ALDH1A2: variants seen among roughly 807,000 people sequenced by gnomAD.
ALDH1A2 encodes the protein retinal dehydrogenase 2.
A neutral mutation model predicts 60.3 loss-of-function variants in ALDH1A2; 27 were observed. The observed-to-expected ratio is 0.45, with a 90% CI of 0.33 to 0.62. ALDH1A2 has a LOEUF of 0.62. ALDH1A2 is among the 20% of genes least tolerant of loss of function. ALDH1A2 has a pLI of 0.02. For missense variants in ALDH1A2, 581 were observed against 643.8 expected, an observed-to-expected ratio of 0.90 and a Z score of 1.06; for synonymous variants, 289 against 232.4, an observed-to-expected ratio of 1.24 and a Z score of -2.21.
At chr15:58,029,699 A>G (rs1423385282) in intron 1 of ALDH1A2, among the ~76,000 whole-genome samples, 1 of 152,188 alleles carries the variant, frequency 6.6e-6, no homozygotes, top group African/African-American at 2.4e-5. Context: ...AAAATGATAA[A>G]GGGAATATCA....
At chr15:57,992,924 C>A in intron 6 of ALDH1A2, 21 bp downstream of exon 6, 1 of 1,614,048 alleles carries the variant, frequency 6.2e-7, no homozygotes, top group Non-Finnish European at 8.5e-7. Context: ...CAGAAGCACT[C>A]CCGAAGTCCG....
At chr15:57,996,502 TC>T (rs1405546095) in intron 4 of ALDH1A2, among the ~76,000 whole-genome samples, 2 of 150,074 alleles carry the variant, frequency 1.3e-5, no homozygotes, top group Non-Finnish European at 3.0e-5. Flanking sequence ...TGTTTTTCCC[TC>T]TTTTTTTTTT....
intron 12 of ALDH1A2, among the ~76,000 whole-genome samples, chr15:57,955,551 G>A (rs1893492674): frequency 6.6e-6 from 1 of 152,202 alleles, no homozygotes; most frequent in African/African-American, 2.4e-5. Context: ...TGCACAGACA[G>A]GCAATGACTC....
chr15:58,057,635 A>G (rs1205260953), intron 1 of ALDH1A2, among the ~76,000 whole-genome samples: 1 of 152,126 alleles, frequency 6.6e-6, no homozygotes, highest in Non-Finnish European at 1.5e-5. Flanking sequence ...TCTTCTGCTG[A>G]GCTGGAAACA....
At chr15:58,026,163 G>T (rs2140533267) in intron 1 of ALDH1A2, among the ~76,000 whole-genome samples, 1 of 152,180 alleles carries the variant, frequency 6.6e-6, no homozygotes, top group East Asian at 1.9e-4. Context: ...TGATGAAATA[G>T]ACACAAAAAT....
At chr15:58,017,795 G>A (rs571479660) in intron 1 of ALDH1A2, among the ~76,000 whole-genome samples, 19 of 151,416 alleles carry the variant, frequency 1.3e-4, no homozygotes, top group African/African-American at 3.9e-4. Flanking sequence ...TCTTACTTCT[G>A]TAAATTATTC....
At chr15:57,997,133 A>G (rs1895090462) in intron 4 of ALDH1A2, among the ~76,000 whole-genome samples, 1 of 152,070 alleles carries the variant, frequency 6.6e-6, no homozygotes, top group African/African-American at 2.4e-5. Flanking sequence ...CTATTACGAG[A>G]AAAAATAGCG....
intron 7 of ALDH1A2, among the ~76,000 whole-genome samples, chr15:57,981,831 C>A (rs1894525920): frequency 3.3e-5 from 5 of 152,178 alleles, no homozygotes; most frequent in Admixed American, 2.6e-4. Context: ...GATATACTAG[C>A]TTTTCTTAGT....
intron 4 of ALDH1A2, among the ~76,000 whole-genome samples, chr15:58,003,126 G>A (rs540281645): frequency 2.0e-5 from 3 of 151,702 alleles, no homozygotes; most frequent in Non-Finnish European, 4.4e-5. Context: ...TTACTTCTCT[G>A]GACCTTCTCT....
At chr15:57,981,565 A>G (rs1894513482) in intron 7 of ALDH1A2, among the ~76,000 whole-genome samples, 1 of 152,172 alleles carries the variant, frequency 6.6e-6, no homozygotes, top group South Asian at 2.1e-4. Flanking sequence ...ATGAGCCTGT[A>G]AGGAGTGATT....
chr15:58,014,294 A>T lies in ALDH1A2; in HGVS notation c.118-13T>A. 6.2e-7 allele frequency: 1 copy of T among 1,603,212 alleles called. No individual in the cohort carries two copies. The stretch of plus-strand genomic sequence containing the variant: ...TGTTTATAAAGATCTAAGGGAGTAG[A>T]TAACAGAATGGGATCTGTGACACAG... On this transcript the variant is annotated splice_polypyrimidine_tract_variant and intron_variant, in intron 1 of 12. Transcript: ENST00000249750.
At chr15:58,050,981 G>A (rs1294191385) in intron 1 of ALDH1A2, among the ~76,000 whole-genome samples, 1 of 152,128 alleles carries the variant, frequency 6.6e-6, no homozygotes, top group Non-Finnish European at 1.5e-5. Context: ...TTTCTCCACA[G>A]GAGACTAAAC....
intron 4 of ALDH1A2, among the ~76,000 whole-genome samples, chr15:58,004,624 C>G (rs1326117892): frequency 1.3e-5 from 2 of 151,144 alleles, no homozygotes. Context: ...ATAATGGCCT[C>G]CAACCCCATC....
chr15:57,992,039 G>A (rs547514125), intron 7 of ALDH1A2, among the ~76,000 whole-genome samples: 1 of 152,266 alleles, frequency 6.6e-6, no homozygotes, highest in South Asian at 2.1e-4. Flanking sequence ...GTTTTTGCAT[G>A]TTTAAATGTC....
intron 7 of ALDH1A2, chr15:57,980,240 G>C (rs775768576): frequency 4.2e-5 from 14 of 334,994 alleles, no homozygotes; most frequent in Admixed American, 3.7e-4. Flanking sequence ...CCCGCTCTGC[G>C]GCCTCTTAGT....
intron 7 of ALDH1A2, among the ~76,000 whole-genome samples, chr15:57,987,834 T>G (rs984957684): frequency 6.9e-6 from 1 of 144,312 alleles, no homozygotes; most frequent in Admixed American, 7.3e-5. Flanking sequence ...GCAGTGAGCC[T>G]GAGCAACTAC....
intron 4 of ALDH1A2, among the ~76,000 whole-genome samples, chr15:58,004,905 C>T (rs1218231943): frequency 2.7e-5 from 4 of 150,472 alleles, no homozygotes; most frequent in Non-Finnish European, 5.9e-5. Context: ...GGAAAAACAC[C>T]CCATGTTCAT....
At chr15:58,058,651 A>T (rs997263345) in intron 1 of ALDH1A2, among the ~76,000 whole-genome samples, 1 of 152,146 alleles carries the variant, frequency 6.6e-6, no homozygotes, top group Non-Finnish European at 1.5e-5. Context: ...TCTAGATAAG[A>T]AACAGGTGTT....
intron 4 of ALDH1A2, among the ~76,000 whole-genome samples, chr15:58,000,495 GTTAAA>G (rs1895227874): frequency 6.6e-6 from 1 of 151,900 alleles, no homozygotes; most frequent in African/African-American, 2.4e-5. Flanking sequence ...CTTAATTTCT[GTTAAA>G]TTAACTCACC....
Sources: allele counts gnomAD v4.1 joint callset (sites outside exome capture counted in the v4.1 genomes callset), GRCh38; gene constraint gnomAD v4.1.1; transcripts MANE v1.5; gene names NCBI Gene and HGNC (gene_info 2026-07-23, HGNC 2026-07-21).